PTPRN2: variants seen among roughly 807,000 people sequenced by gnomAD.
PTPRN2 encodes receptor-type tyrosine-protein phosphatase N2.
In PTPRN2, 74 loss-of-function variants were observed where a neutral mutation model predicts 118.8. The ratio of observed to expected loss-of-function variants is 0.62; its 90% CI spans 0.52 to 0.76. The LOEUF is 0.76. PTPRN2 is among the 30% of genes least tolerant of loss of function. The pLI, the probability that PTPRN2 is intolerant of heterozygous loss-of-function variation, is 0.00. For missense variants in PTPRN2, 1,481 were observed against 1,394.4 expected, an observed-to-expected ratio of 1.06 and a Z score of -0.99; for synonymous variants, 641 against 608.0, an observed-to-expected ratio of 1.05 and a Z score of -0.80.
intron 1 of PTPRN2, among the ~76,000 whole-genome samples, chr7:158,545,421 G>A (rs995004082): frequency 4.6e-5 from 7 of 152,164 alleles, no homozygotes; most frequent in African/African-American, 1.4e-4. Context: ...CCATTTTCTC[G>A]TATTCTCAAG....
At chr7:158,442,131 T>C (rs1817382259) in intron 2 of PTPRN2, among the ~76,000 whole-genome samples, 1 of 150,330 alleles carries the variant, frequency 6.7e-6, no homozygotes, top group South Asian at 2.1e-4. Flanking sequence ...GTGATAGTGA[T>C]GGTGGTGGCA....
chr7:157,612,029 C>T lies in PTPRN2; in HGVS notation c.2345-7954G>A, dbSNP rs116157692. ...TCTGGCCTCCGGAATGGGAGACAGC[C>T]TGCTTTGGCCACATACACTGCCCAT... On this transcript the variant is annotated intron_variant, in intron 15 of 22. Transcript: ENST00000389418. 5.7e-3 allele frequency among the ~76,000 whole-genome samples: 871 copies of T among 152,332 alleles called. 8 individuals are homozygous for T. Among genetic ancestry groups the T allele is most frequent in the African/African-American group, 0.02 (817 of 41,580 alleles).
intron 10 of PTPRN2, among the ~76,000 whole-genome samples, chr7:158,107,338 C>T (rs190059649): frequency 3.3e-5 from 5 of 152,274 alleles, no homozygotes; most frequent in South Asian, 2.1e-4. Context: ...AACCCTCCCC[C>T]CTCCTAAGTC....
chr7:157,769,189 C>T (rs1046603522), intron 12 of PTPRN2, among the ~76,000 whole-genome samples: 4 of 152,116 alleles, frequency 2.6e-5, no homozygotes, highest in African/African-American at 7.2e-5. Flanking sequence ...CATTATTCCG[C>T]CCCCCACACG....
At chr7:158,225,778 G>A (rs1251472627) in intron 3 of PTPRN2, among the ~76,000 whole-genome samples, 1 of 150,096 alleles carries the variant, frequency 6.7e-6, no homozygotes, top group African/African-American at 2.5e-5. Flanking sequence ...AATTCTAACA[G>A]GTGGGGATGG....
At position 157,943,520 on chromosome 7, in the gene PTPRN2, C is replaced by T. The variant is rs541082002; in HGVS notation, c.1724-44783G>A. ...CCTCCGCCCCATCCCTGCTCCTGGA[C>T]CTGTTGGTTCCGAGGAGGCCCTGGA... is the stretch of plus-strand genomic sequence containing the variant. On this transcript the variant is annotated intron_variant, in intron 11 of 22. Coordinates refer to ENST00000389418, the MANE Select transcript of PTPRN2 (RefSeq NM_002847.5). 5.3e-5 allele frequency among the ~76,000 whole-genome samples: 8 copies of T among 152,196 alleles called. No individual in the cohort carries two copies. In the South Asian group the frequency reaches 1.7e-3, roughly 32 times the overall value.
chr7:157,802,251 G>A (rs1023164956), intron 12 of PTPRN2, among the ~76,000 whole-genome samples: 5 of 152,174 alleles, frequency 3.3e-5, no homozygotes, highest in African/African-American at 4.8e-5. Context: ...TTCCCCCAGC[G>A]CCAGACCCGG....
chr7:158,262,646 T>C (rs988100748), intron 3 of PTPRN2, among the ~76,000 whole-genome samples: 2 of 137,818 alleles, frequency 1.5e-5, no homozygotes, highest in Non-Finnish European at 3.1e-5. Context: ...AAACATTCAC[T>C]GCACACACTG....
intron 5 of PTPRN2, among the ~76,000 whole-genome samples, chr7:158,178,958 G>A (rs1824459609): frequency 6.6e-6 from 1 of 152,152 alleles, no homozygotes; most frequent in Non-Finnish European, 1.5e-5. Context: ...GAATTGTGCT[G>A]CAATAAACAT....
At chr7:158,225,725 T>A (rs890606265) in intron 3 of PTPRN2, among the ~76,000 whole-genome samples, 3 of 152,190 alleles carry the variant, frequency 2.0e-5, no homozygotes, top group Non-Finnish European at 4.4e-5. Flanking sequence ...GAAAGTTTCA[T>A]AGAAACAAGT....
intron 11 of PTPRN2, among the ~76,000 whole-genome samples, chr7:157,969,004 T>C (rs1585107947): frequency 2.6e-5 from 4 of 152,234 alleles, no homozygotes; most frequent in African/African-American, 9.6e-5. Context: ...GAATTTCCTT[T>C]TGAAATGTAT....
chr7:158,258,929 G>A (rs750032395), intron 3 of PTPRN2, among the ~76,000 whole-genome samples: 3 of 152,192 alleles, frequency 2.0e-5, no homozygotes, highest in Admixed American at 1.3e-4. Flanking sequence ...GCTAGGAGAC[G>A]AATGTGGAAG....
At chr7:158,362,401 A>AAGG (rs1177607827) in intron 2 of PTPRN2, among the ~76,000 whole-genome samples, 3 of 124,828 alleles carry the variant, frequency 2.4e-5, no homozygotes, top group East Asian at 4.7e-4. Context: ...CACAGAGAAG[A>AAGG]AAAATTTGAC....
At chr7:157,620,179 C>A (rs1369761897) in intron 15 of PTPRN2, among the ~76,000 whole-genome samples, 1 of 152,182 alleles carries the variant, frequency 6.6e-6, no homozygotes, top group Non-Finnish European at 1.5e-5. Context: ...ATATCTAGGA[C>A]CCCCTTCCTC....
At chr7:157,955,733 T>C (rs928861985) in intron 11 of PTPRN2, among the ~76,000 whole-genome samples, 32 of 152,158 alleles carry the variant, frequency 2.1e-4, no homozygotes, top group African/African-American at 7.7e-4. Context: ...CCCCGCAGGG[T>C]GCTAGGGCGG....
rs116599971 is a variant in PTPRN2, at chr7:158,465,817, G to A, written c.163+23918C>T. ...CTTGGGCTGGGCAAAAACAAACCTG[G>A]TCTCTGATCACGTAAGCCTAGAACC... On this transcript the variant is annotated intron_variant, in intron 2 of 22. Coordinates refer to ENST00000389418, the MANE Select transcript of PTPRN2 (RefSeq NM_002847.5). 1.4e-3 allele frequency among the ~76,000 whole-genome samples: 206 copies of A among 152,294 alleles called. 2 individuals carry two copies. The highest frequency in any genetic ancestry group is 4.9e-3 in the African/African-American group (203 of 41,566).
At chr7:157,752,307 T>A (rs1801520052) in intron 12 of PTPRN2, among the ~76,000 whole-genome samples, 1 of 152,218 alleles carries the variant, frequency 6.6e-6, no homozygotes, top group South Asian at 2.1e-4. Context: ...GAACATGACC[T>A]GACTTTGCAT....
chr7:158,433,392 A>C (rs983180027), intron 2 of PTPRN2, among the ~76,000 whole-genome samples: 4 of 152,208 alleles, frequency 2.6e-5, no homozygotes, highest in Admixed American at 1.3e-4. Context: ...ATTCTTGTAC[A>C]TGTCCTTTGC....
At chr7:157,576,021 AAGAC>A (rs1800018650) in intron 19 of PTPRN2, among the ~76,000 whole-genome samples, 1 of 152,180 alleles carries the variant, frequency 6.6e-6, no homozygotes, top group South Asian at 2.1e-4. Flanking sequence ...TTCTTCCTGT[AAGAC>A]AGAGTCTAGC....
Sources: gnomAD v4.1 joint callset for allele counts (sites outside exome capture counted in the v4.1 genomes callset) on GRCh38, gnomAD v4.1.1 for gene constraint, MANE v1.5 for transcripts, NCBI Gene and HGNC (gene_info 2026-07-23, HGNC 2026-07-21) for gene names.